BMP6: variants seen among roughly 807,000 people sequenced by gnomAD.
BMP6 encodes the protein bone morphogenetic protein 6.
Under a neutral mutation model 54.1 loss-of-function variants are expected in BMP6, and 17 were observed. The observed-to-expected ratio is 0.31, with a 90% CI of 0.22 to 0.47. BMP6 has a LOEUF of 0.47. Ranked by LOEUF, BMP6 falls within the 20% of genes least tolerant of loss-of-function variation. The pLI is 1.00. For synonymous variants in BMP6, 328 were observed against 291.2 expected (o/e 1.13, Z -1.28); for missense variants, 720 against 690.4 (o/e 1.04, Z -0.48).
intron 2 of BMP6, among the ~76,000 whole-genome samples, chr6:7,855,157 A>G (rs765363824): frequency 5.9e-5 from 9 of 152,224 alleles, no homozygotes; most frequent in Non-Finnish European, 1.0e-4. Flanking sequence ...GAGGAGCAAG[A>G]AATCTTGAGA....
At chr6:7,737,703 T>C (rs556006060) in intron 1 of BMP6, among the ~76,000 whole-genome samples, 3 of 152,234 alleles carry the variant, frequency 2.0e-5, no homozygotes, top group East Asian at 3.9e-4. Flanking sequence ...ATTTCCACTT[T>C]CGTATGTGCT....
chr6:7,792,195 G>A (rs4960359), intron 1 of BMP6, among the ~76,000 whole-genome samples: 39,803 of 152,086 alleles, frequency 0.26, 5,946 homozygotes, highest in East Asian at 0.53. Flanking sequence ...GGAAACCTCC[G>A]TTTTTGCTCT....
At chr6:7,804,819 G>C (rs1758324922) in intron 1 of BMP6, among the ~76,000 whole-genome samples, 1 of 152,054 alleles carries the variant, frequency 6.6e-6, no homozygotes. Flanking sequence ...TACTGGATTG[G>C]TTTAAATTAG....
At chr6:7,748,845 A>G (rs1757382323) in intron 1 of BMP6, among the ~76,000 whole-genome samples, 1 of 152,184 alleles carries the variant, frequency 6.6e-6, no homozygotes. Flanking sequence ...GCATCTCACC[A>G]TACCCCCATC....
intron 1 of BMP6, among the ~76,000 whole-genome samples, chr6:7,804,495 A>T (rs1357087448): frequency 6.6e-6 from 1 of 152,192 alleles, no homozygotes; most frequent in Non-Finnish European, 1.5e-5. Flanking sequence ...TATTGGGACC[A>T]GTCGCCAAAG....
Position 7,727,289 on chromosome 6 carries a change from G to GAGCAGCAGC in BMP6, c.347_355dup (p.Gln116_Gln118dup), listed in dbSNP as rs537332654. 11 of 1,605,798 alleles carry GAGCAGCAGC rather than the reference G, an allele frequency of 6.9e-6. No individual in the cohort carries two copies. The highest frequency in any genetic ancestry group is 2.7e-5 in the African/African-American group (2 of 74,658). On this transcript the variant is annotated inframe_insertion, in exon 1 of 7. Coordinates refer to ENST00000283147, the MANE Select transcript of BMP6 (RefSeq NM_001718.6). ...GCCCCCGGCGCTCCGGCAGCAGGAGGAGCAGCAGCAGCAGCAGCAGCTGCC... is the reference window on the plus strand; with the variant it reads ...GCCCCCGGCGCTCCGGCAGCAGGAGGAGCAGCAGCAGCAGCAGCAGCAGCAGCAGCTGCC...
At chr6:7,876,089 AG>A (rs1453768346) in intron 4 of BMP6, among the ~76,000 whole-genome samples, 2 of 152,198 alleles carry the variant, frequency 1.3e-5, no homozygotes, top group African/African-American at 4.8e-5. Flanking sequence ...CCACCTATCT[AG>A]GCATTCCCCC....
At chr6:7,749,144 CG>C (rs1757387056) in intron 1 of BMP6, among the ~76,000 whole-genome samples, 1 of 152,174 alleles carries the variant, frequency 6.6e-6, no homozygotes, top group Non-Finnish European at 1.5e-5. Flanking sequence ...GTACCTCCAC[CG>C]GGGAGGGGTG....
At chr6:7,862,719 C>T (rs550477867) in intron 4 of BMP6, among the ~76,000 whole-genome samples, 3 of 152,296 alleles carry the variant, frequency 2.0e-5, no homozygotes, top group South Asian at 2.1e-4. Context: ...TCAGGCTGCC[C>T]GCATCATGAC....
intron 4 of BMP6, among the ~76,000 whole-genome samples, chr6:7,873,740 A>G (rs1178115316): frequency 1.3e-5 from 2 of 152,074 alleles, no homozygotes; most frequent in South Asian, 2.1e-4. Context: ...ACTCAGGAAA[A>G]TCCAAGGGTT....
At chr6:7,862,696 G>A (rs1209827024) in intron 4 of BMP6, among the ~76,000 whole-genome samples, 198 bp downstream of exon 4, 1 of 152,204 alleles carries the variant, frequency 6.6e-6, no homozygotes, top group Non-Finnish European at 1.5e-5. Flanking sequence ...TGGAACACTT[G>A]TTACCTGAAG....
chr6:7,765,027 G>A (rs1333060483), intron 1 of BMP6, among the ~76,000 whole-genome samples: 3 of 152,212 alleles, frequency 2.0e-5, no homozygotes. Context: ...GATAGTGGGA[G>A]ACTGGTCGAA....
At chr6:7,799,946 A>G (rs999535887) in intron 1 of BMP6, among the ~76,000 whole-genome samples, 11 of 152,196 alleles carry the variant, frequency 7.2e-5, no homozygotes, top group African/African-American at 2.7e-4. Flanking sequence ...ATCAATAAGC[A>G]TACATTCCAA....
At position 7,726,862 on chromosome 6, in the gene BMP6, C is replaced by A; in HGVS notation, c.-94C>A. 1 of 781,484 alleles carries A rather than the reference C, an allele frequency of 1.3e-6. No individual in the cohort carries two copies. The highest frequency in any genetic ancestry group is 1.6e-6 in the Non-Finnish European group (1 of 631,820). The allele number at this position is 781,484 out of a possible 1,614,324, so 48.4% of individuals were successfully genotyped here. A position where few individuals can be genotyped will look rare whatever the true frequency, so the allele number is the denominator to read the frequency against. On this transcript the variant is annotated 5_prime_UTR_variant, in exon 1 of 7. It adds an upstream start codon to the 5' untranslated region. Transcript: ENST00000283147. ...CGAGCCCGCCGAGAGGTGGCGGGGA[C>A]TGCTCACGCCAAGGGCCACAGCGGC...
intron 2 of BMP6, among the ~76,000 whole-genome samples, chr6:7,852,567 A>T (rs549117292): frequency 2.0e-5 from 3 of 152,236 alleles, no homozygotes; most frequent in Non-Finnish European, 4.4e-5. Context: ...ACAAAGCAAG[A>T]ACTTGTCTCA....
chr6:7,746,185 G>A (rs1757344467), intron 1 of BMP6, among the ~76,000 whole-genome samples: 1 of 152,218 alleles, frequency 6.6e-6, no homozygotes, highest in Non-Finnish European at 1.5e-5. Flanking sequence ...GAATCCGAGC[G>A]TGAGTGGCTA....
At position 7,727,166 on chromosome 6, in the gene BMP6, C is replaced by A. The variant is rs771574320; in HGVS notation, c.211C>A (p.Leu71Ile). 3.1e-6 allele frequency: 5 copies of A among 1,593,328 alleles called. No individual in the cohort carries two copies. In the South Asian group the frequency reaches 5.6e-5, roughly 18 times the overall value. Residue 71 changes from leucine (L) to isoleucine (I), a missense_variant, in exon 1 of 7, where the codon CTC becomes ATC. By Grantham distance (5) the Leu-to-Ile change is conservative (BLOSUM62 2). This residue lies in a region of BMP6 where 650 missense variants were observed against 556.3 expected (regional missense o/e 1.17). Coordinates refer to ENST00000283147, the MANE Select transcript of BMP6 (RefSeq NM_001718.6). ...CTCCTCGGGCTTCCTGTACCGGCGGCTCAAGACGCAGGAGAAGCGGGAGAT... is the reference window on the plus strand; with the variant it reads ...CTCCTCGGGCTTCCTGTACCGGCGGATCAAGACGCAGGAGAAGCGGGAGAT... ...QSSSGFLYRRLKTQEKREMQK... is the reference protein window; with the variant it reads ...QSSSGFLYRRIKTQEKREMQK...
chr6:7,742,787 G>A (rs748720330), intron 1 of BMP6, among the ~76,000 whole-genome samples: 3 of 152,020 alleles, frequency 2.0e-5, no homozygotes, highest in Non-Finnish European at 4.4e-5. Context: ...ATCAGAGTAG[G>A]CGCATACAAG....
At chr6:7,854,225 G>A (rs138147039) in intron 2 of BMP6, among the ~76,000 whole-genome samples, 86 of 152,258 alleles carry the variant, frequency 5.6e-4, no homozygotes, top group Middle Eastern at 3.4e-3. Flanking sequence ...CTTTGGTTAC[G>A]TGTGTCTCCA....
Sources: allele counts gnomAD v4.1 joint callset (sites outside exome capture counted in the v4.1 genomes callset), GRCh38; gene constraint gnomAD v4.1.1; regional missense constraint gnomAD v4.1.1; transcripts MANE v1.5; gene names NCBI Gene and HGNC (gene_info 2026-07-23, HGNC 2026-07-21).